Variants in TRPM6 observed in about 807,000 individuals in gnomAD.
TRPM6 encodes the protein channel kinase 2.
In TRPM6, 111 loss-of-function variants were observed where a neutral mutation model predicts 247.6. That is an observed-to-expected ratio of 0.45 (90% confidence interval 0.38 to 0.52). The LOEUF (loss-of-function observed/expected upper bound fraction) is 0.52, where lower values mean the gene tolerates loss of function less well. Ranked by LOEUF, TRPM6 falls within the 20% of genes least tolerant of loss-of-function variation. The probability of loss-of-function intolerance (pLI) is 0.00; values close to 1 mark genes in which losing one functional copy is unlikely to be tolerated. For synonymous variants in TRPM6, 892 were observed against 853.8 expected (o/e 1.04, Z -0.78); for missense variants, 2,126 against 2,421.5 (o/e 0.88, Z 2.56).
chr9:74,767,658 T>A (rs928200610), intron 25 of TRPM6, among the ~76,000 whole-genome samples: 4 of 152,124 alleles, frequency 2.6e-5, no homozygotes, highest in Middle Eastern at 6.8e-3. Flanking sequence ...GAAAATAGAT[T>A]CTATTTTGAA....
Position 74,810,872 on chromosome 9 carries a change from A to C in TRPM6, c.1444-4T>G. The stretch of plus-strand genomic sequence containing the variant: ...GTGTATTAGTAGGTCCTTGTTTCTG[A>C]AATAAAGAACAAAAGGAAGAATTAT... On this transcript the variant is annotated splice_region_variant and splice_polypyrimidine_tract_variant and intron_variant, in intron 12 of 38. Coordinates refer to ENST00000360774, the MANE Select transcript of TRPM6 (RefSeq NM_017662.5). The C allele has an allele frequency of 6.2e-7, 1 of 1,612,902 alleles. No homozygotes were observed. The highest frequency in any genetic ancestry group is 8.5e-7 in the Non-Finnish European group (1 of 1,179,034).
Position 74,776,192 on chromosome 9 carries a change from A to G in TRPM6, c.3210-116T>C, listed in dbSNP as rs544464446. The G allele has an allele frequency of 2.1e-5, 18 of 858,148 alleles. No homozygotes were observed. In the Admixed American group the frequency reaches 2.6e-4, roughly 12 times the overall value. The allele number at this position is 858,148 out of a possible 1,614,324, so 53.2% of individuals were successfully genotyped here. On this transcript the variant is annotated intron_variant, in intron 23 of 38. Coordinates refer to ENST00000360774, the MANE Select transcript of TRPM6 (RefSeq NM_017662.5). ...ACCTGACATTACCGGCAGTTACCCA[A>G]TACAAATACTATCCACGTGTTTACA...
chr9:74,752,577 T>C (rs532995821), intron 28 of TRPM6, among the ~76,000 whole-genome samples: 49 of 152,338 alleles, frequency 3.2e-4, no homozygotes, highest in African/African-American at 1.1e-3. Flanking sequence ...TATTCTTCTA[T>C]AGTTACTTTC....
intron 27 of TRPM6, among the ~76,000 whole-genome samples, chr9:74,756,797 T>C (rs1256242975): frequency 6.6e-6 from 1 of 151,062 alleles, no homozygotes; most frequent in African/African-American, 2.4e-5. Context: ...TGCAATAAGC[T>C]GAGATGACAA....
At chr9:74,738,177 T>C (rs1825752869) in intron 36 of TRPM6, among the ~76,000 whole-genome samples, 1 of 152,196 alleles carries the variant, frequency 6.6e-6, no homozygotes, top group Non-Finnish European at 1.5e-5. Flanking sequence ...AATTTAGATG[T>C]CTTTACATTT....
intron 24 of TRPM6, among the ~76,000 whole-genome samples, chr9:74,774,562 C>A (rs1000672084): frequency 6.6e-6 from 1 of 152,110 alleles, no homozygotes; most frequent in Admixed American, 6.5e-5. Context: ...AAGCATATCA[C>A]CCTGTCAACC....
intron 11 of TRPM6, among the ~76,000 whole-genome samples, chr9:74,813,179 C>G (rs866055084): frequency 5.9e-5 from 9 of 152,254 alleles, no homozygotes; most frequent in Admixed American, 3.3e-4. Context: ...AATTTTTCTC[C>G]CACTCAAAAC....
Position 74,800,458 on chromosome 9 carries a change from G to C in TRPM6, c.2034C>G (p.Asp678Glu). 6.2e-7 allele frequency: 1 copy of C among 1,613,928 alleles called. No individual in the cohort carries two copies. Among genetic ancestry groups the C allele is most frequent in the Non-Finnish European group, 8.5e-7 (1 of 1,179,974 alleles). The change falls in exon 17 of 39, where the codon GAC becomes GAG. Residue 678 changes from aspartate (D) to glutamate (E), a missense_variant. Asp to Glu is a conservative substitution (Grantham distance 45, BLOSUM62 2). Around this residue, in one of 3 missense-constraint regions of TRPM6, gnomAD observed 1,082 missense variants for 1,307.9 expected, o/e 0.83. Transcript: ENST00000360774. The part of the protein sequence containing the change: ...YSKQFGQLAL[D>E]LLEKAFKQNE... ...TCTGCTTGAATGCCTTCTCCAACAA[G>C]TCCAGAGCCAGCTGGCCAAACTGTC... is the stretch of plus-strand genomic sequence containing the variant.
intron 7 of TRPM6, among the ~76,000 whole-genome samples, chr9:74,822,457 G>T (rs552863353): frequency 1.1e-4 from 16 of 148,412 alleles, no homozygotes; most frequent in Non-Finnish European, 1.5e-4. Context: ...GTCTCCCTAT[G>T]TTGCTCAGGT....
chr9:74,816,528 G>T, intron 11 of TRPM6, 141 bp downstream of exon 11: 6 of 624,436 alleles, frequency 9.6e-6, no homozygotes, highest in East Asian at 3.1e-5. Flanking sequence ...TGGGAAAAGT[G>T]TCTTAGCTAT....
chr9:74,760,694 G>A (rs1826595268), intron 27 of TRPM6, among the ~76,000 whole-genome samples: 1 of 152,162 alleles, frequency 6.6e-6, no homozygotes, highest in Non-Finnish European at 1.5e-5. Flanking sequence ...ATACTGAATT[G>A]GCGAGTGCTA....
chr9:74,858,669 C>T lies in TRPM6; in HGVS notation c.113G>A (p.Arg38Lys). The T allele has an allele frequency of 6.2e-7, 1 of 1,609,878 alleles. No individual in the cohort carries two copies. Among genetic ancestry groups the T allele is most frequent in the Non-Finnish European group, 8.5e-7 (1 of 1,177,022 alleles). ...AGAAGAAGGTAATTGAAAATTTTAC[C>T]TGTGAGGATTTTTTGAGCTGGGTAT... ...TIIPSSKNPHRCTPVCQVCQN... is the reference protein window; with the variant it reads ...TIIPSSKNPHKCTPVCQVCQN... The change falls in exon 2 of 39, where the codon AGA (arginine) becomes AAA (lysine). Residue 38 changes from arginine (R) to lysine (K), a missense_variant and splice_region_variant. Physicochemically the swap from Arg to Lys is conservative, Grantham distance 26 (BLOSUM62 2). Coordinates refer to ENST00000360774, the MANE Select transcript of TRPM6 (RefSeq NM_017662.5).
At chr9:74,839,149 G>A (rs1351831891) in intron 5 of TRPM6, among the ~76,000 whole-genome samples, 1 of 151,220 alleles carries the variant, frequency 6.6e-6, no homozygotes, top group African/African-American at 2.4e-5. Flanking sequence ...CCACAGGTTA[G>A]TAACAAACTG....
chr9:74,770,571 ACCG>A (rs1826999863), intron 25 of TRPM6, among the ~76,000 whole-genome samples: 1 of 151,916 alleles, frequency 6.6e-6, no homozygotes, highest in African/African-American at 2.4e-5. Flanking sequence ...TGTCCCCCAT[ACCG>A]CCTGCCTCCC....
intron 1 of TRPM6, among the ~76,000 whole-genome samples, chr9:74,866,018 T>A (rs1336121796): frequency 6.6e-6 from 1 of 152,194 alleles, no homozygotes; most frequent in Non-Finnish European, 1.5e-5. Context: ...GTTACATGTT[T>A]GGCCAGGCAT....
chr9:74,825,381 AT>A (rs376356525), intron 7 of TRPM6, among the ~76,000 whole-genome samples: 301 of 152,278 alleles, frequency 2.0e-3, no homozygotes, highest in African/African-American at 6.4e-3. Flanking sequence ...AACCTCCCTC[AT>A]AAGTATGTTA....
intron 27 of TRPM6, among the ~76,000 whole-genome samples, chr9:74,756,291 C>T (rs1361191657): frequency 6.7e-6 from 1 of 150,256 alleles, no homozygotes; most frequent in African/African-American, 2.4e-5. Flanking sequence ...GCTTCTGCTT[C>T]TCATTCTAAA....
chr9:74,766,543 T>C (rs986548416), intron 25 of TRPM6, among the ~76,000 whole-genome samples: 1 of 152,182 alleles, frequency 6.6e-6, no homozygotes, highest in African/African-American at 2.4e-5. Flanking sequence ...TTATAAAGGT[T>C]CTACCTGTAC....
chr9:74,821,706 G>A lies in TRPM6; in HGVS notation c.973C>T (p.Leu325Phe). The A allele has an allele frequency of 6.2e-7, 1 of 1,614,190 alleles. No homozygotes were observed. The highest frequency in any genetic ancestry group is 8.5e-7 in the Non-Finnish European group (1 of 1,180,030). Reference protein sequence around the residue: ...VCEGTGRAADLLAFTHKHLAD... With the variant: ...VCEGTGRAADFLAFTHKHLAD... ...AGGTGTTTGTGTGTGAAGGCCAGGA[G>A]GTCAGCCGCCCTACCTGTGCCCTCA... Residue 325 changes from leucine (L) to phenylalanine (F), a missense_variant, in exon 8 of 39, where the codon CTC (leucine) becomes TTC (phenylalanine). This residue lies in a region of TRPM6 where 1,082 missense variants were observed against 1,307.9 expected (regional missense o/e 0.83). Coordinates refer to ENST00000360774, the MANE Select transcript of TRPM6 (RefSeq NM_017662.5).
Sources: allele counts gnomAD v4.1 joint callset (sites outside exome capture counted in the v4.1 genomes callset), GRCh38; gene constraint gnomAD v4.1.1; regional missense constraint gnomAD v4.1.1; transcripts MANE v1.5; gene names NCBI Gene and HGNC (gene_info 2026-07-23, HGNC 2026-07-21).